Variants in CNTNAP4 observed in about 807,000 individuals in gnomAD.
The protein encoded by CNTNAP4 is contactin associated protein family member 4, also known as contactin-associated protein-like 4.
In CNTNAP4, 98 loss-of-function variants were observed where a neutral mutation model predicts 148.4. That is an observed-to-expected ratio of 0.66 (90% CI 0.56 to 0.78). The LOEUF (loss-of-function observed/expected upper bound fraction) is 0.78, where lower values mean the gene tolerates loss of function less well. Among genes scored for constraint, CNTNAP4 ranks in the 30% least tolerant of loss-of-function variants. The pLI is 0.00. For missense variants in CNTNAP4, 1,935 were observed against 1,565.6 expected (o/e 1.24, Z -3.98); for synonymous variants, 730 against 565.1 (o/e 1.29, Z -4.14).
intron 2 of CNTNAP4, among the ~76,000 whole-genome samples, chr16:76,337,297 A>G (rs1314843551): frequency 6.6e-6 from 1 of 152,154 alleles, no homozygotes; most frequent in Admixed American, 6.5e-5. Context: ...ATTTCAGTGT[A>G]GGTTCTTTTC....
At chr16:76,542,831 T>C (rs1187120665) in intron 21 of CNTNAP4, among the ~76,000 whole-genome samples, 1 of 152,170 alleles carries the variant, frequency 6.6e-6, no homozygotes. Context: ...TGAGTGGAAT[T>C]ATAAGCTGAT....
intron 3 of CNTNAP4, among the ~76,000 whole-genome samples, chr16:76,372,170 C>T (rs1210319744): frequency 6.9e-6 from 1 of 144,744 alleles, no homozygotes; most frequent in Non-Finnish European, 1.5e-5. Context: ...GACGGAGTCC[C>T]ACTCTGTTGC....
chr16:76,404,755 A>G (rs1056127718), intron 3 of CNTNAP4, among the ~76,000 whole-genome samples: 2 of 152,096 alleles, frequency 1.3e-5, no homozygotes, highest in East Asian at 3.8e-4. Context: ...GAATGTAAGC[A>G]CTCACATTTT....
chr16:76,504,380 A>G (rs892699336), intron 15 of CNTNAP4, among the ~76,000 whole-genome samples: 2 of 151,914 alleles, frequency 1.3e-5, no homozygotes, highest in African/African-American at 4.8e-5. Flanking sequence ...CAGATCTGGA[A>G]CAATTCGAAT....
At chr16:76,317,294 C>CAAAAA (rs1961890718) in intron 2 of CNTNAP4, among the ~76,000 whole-genome samples, 2 of 131,096 alleles carry the variant, frequency 1.5e-5, no homozygotes, top group Non-Finnish European at 3.1e-5. Context: ...AAAAAAAACC[C>CAAAAA]AAAAAACCCC....
At chr16:76,287,664 T>A (rs1487770196) in intron 1 of CNTNAP4, 3 of 152,252 alleles carry the variant, frequency 2.0e-5, no homozygotes, top group African/African-American at 7.2e-5. Flanking sequence ...ACATCTGTCG[T>A]GTTAGCGATG....
chr16:76,421,640 A>G (rs2079194340), intron 3 of CNTNAP4, among the ~76,000 whole-genome samples: 1 of 152,228 alleles, frequency 6.6e-6, no homozygotes, highest in Admixed American at 6.6e-5. Context: ...TTAAAAAGTG[A>G]TTTCTATTTG....
chr16:76,413,040 C>T (rs2078853118), intron 3 of CNTNAP4, among the ~76,000 whole-genome samples: 1 of 151,342 alleles, frequency 6.6e-6, no homozygotes, highest in South Asian at 2.1e-4. Flanking sequence ...TACATGCATG[C>T]AGTGTGAACT....
intron 3 of CNTNAP4, among the ~76,000 whole-genome samples, chr16:76,374,492 A>G (rs1019291839): frequency 1.3e-5 from 2 of 152,130 alleles, no homozygotes; most frequent in African/African-American, 4.8e-5. Context: ...CTCACAGGGA[A>G]CTGTGCTCAC....
rs2083570277 is a variant in CNTNAP4 at position 76,523,302 on chromosome 16, A to ACAGATACC, written c.2755+1049_2755+1056dup. Among the ~76,000 whole-genome samples the ACAGATACC allele has an allele frequency of 2.0e-5, 3 of 149,886 alleles. No homozygotes were observed. In the South Asian group the frequency reaches 6.5e-4, roughly 32 times the overall value. On this transcript the variant is annotated intron_variant, in intron 17 of 23. Coordinates refer to ENST00000611870, the MANE Select transcript of CNTNAP4 (RefSeq NM_033401.5). ...AATAGCAAAAAGAAAAGAAAACAAAACAGATACCCAGTGTGTATAGAATTC... is the reference window on the plus strand; with the variant it reads ...AATAGCAAAAAGAAAAGAAAACAAAACAGATACCCAGATACCCAGTGTGTATAGAATTC...
rs1228463807 is a variant in CNTNAP4, at chr16:76,489,843, T to G, written c.2040T>G (p.Phe680Leu). The change falls in exon 13 of 24, where the codon TTT becomes TTG. Residue 680 changes from phenylalanine (F) to leucine (L), a missense_variant. Phe to Leu is a conservative substitution (Grantham distance 22). Coordinates refer to ENST00000611870, the MANE Select transcript of CNTNAP4 (RefSeq NM_033401.5). ...INRAEHCEQE[F>L]TYYCKKSRLV... Reference sequence around the variant, plus strand: ...GTGCAGAGCACTGTGAACAGGAGTTTACTTATTACTGCAAGAAGTCACGGC... The same window carrying G: ...GTGCAGAGCACTGTGAACAGGAGTTGACTTATTACTGCAAGAAGTCACGGC... 3 of 1,586,864 alleles carry G rather than the reference T, an allele frequency of 1.9e-6. No individual in the cohort carries two copies. The highest frequency in any genetic ancestry group is 2.7e-5 in the African/African-American group (2 of 74,534).
intron 2 of CNTNAP4, among the ~76,000 whole-genome samples, chr16:76,339,388 C>T (rs1375483781): frequency 1.3e-5 from 2 of 151,980 alleles, no homozygotes; most frequent in Admixed American, 6.6e-5. Flanking sequence ...AAAATATAAA[C>T]TTTAAACACT....
chr16:76,412,712 G>C (rs2078841004), intron 3 of CNTNAP4, among the ~76,000 whole-genome samples: 1 of 151,128 alleles, frequency 6.6e-6, no homozygotes, highest in Non-Finnish European at 1.5e-5. Flanking sequence ...AGTTCACTAT[G>C]TATTCTGGAT....
At chr16:76,331,897 G>C (rs1391949704) in intron 2 of CNTNAP4, among the ~76,000 whole-genome samples, 1 of 152,088 alleles carries the variant, frequency 6.6e-6, no homozygotes, top group Non-Finnish European at 1.5e-5. Context: ...TGTTGGACAG[G>C]CCTACAGGCA....
In CNTNAP4 at chr16:76,326,143, G is replaced by A. The variant is rs200332600; in HGVS notation, c.196+9620G>A. ...CATTCAAGGAGGCCAGCATAACCTT[G>A]ATACCAAACAGTGTCAAGGACAAAC... On this transcript the variant is annotated intron_variant, in intron 2 of 23. Transcript: ENST00000611870. Among the ~76,000 whole-genome samples the A allele has an allele frequency of 3.9e-5, 6 of 151,960 alleles. No homozygotes were observed. The East Asian group carries it at 9.7e-4, about 25-fold the overall frequency.
At chr16:76,482,939 C>T (rs145841060) in intron 12 of CNTNAP4, among the ~76,000 whole-genome samples, 27 of 151,938 alleles carry the variant, frequency 1.8e-4, no homozygotes, top group Middle Eastern at 3.4e-3. Flanking sequence ...CTCTGGTATG[C>T]GAGAATTAAA....
intron 15 of CNTNAP4, 116 bp downstream of exon 15, chr16:76,498,810 CA>C (rs1169123795): frequency 9.2e-7 from 1 of 1,084,678 alleles, no homozygotes; most frequent in African/African-American, 1.6e-5. Context: ...CTATTGTGAA[CA>C]TTTTTTTTGT....
intron 23 of CNTNAP4, among the ~76,000 whole-genome samples, chr16:76,555,032 G>A (rs1470255307): frequency 1.3e-5 from 2 of 151,840 alleles, no homozygotes; most frequent in Non-Finnish European, 2.9e-5. Flanking sequence ...CCCTGGCAGG[G>A]CAACAGGATA....
At chr16:76,491,415 C>T (rs2082217302) in intron 13 of CNTNAP4, among the ~76,000 whole-genome samples, 1 of 152,158 alleles carries the variant, frequency 6.6e-6, no homozygotes, top group African/African-American at 2.4e-5. Flanking sequence ...TCTTTGTTTT[C>T]TTTTCTCCAA....
Sources: gnomAD v4.1 joint callset for allele counts (sites outside exome capture counted in the v4.1 genomes callset) on GRCh38, gnomAD v4.1.1 for gene constraint, MANE v1.5 for transcripts, NCBI Gene and HGNC (gene_info 2026-07-23, HGNC 2026-07-21) for gene names.